Variants in ENPP6 observed in about 807,000 individuals in gnomAD.
ENPP6 encodes the protein glycerophosphocholine cholinephosphodiesterase ENPP6.
ENPP6 carries 32 observed loss-of-function variants against 42.0 expected under a neutral mutation model. The observed-to-expected ratio is 0.76, with a 90% CI of 0.58 to 1.02. The LOEUF (loss-of-function observed/expected upper bound fraction) is 1.02, where lower values mean the gene tolerates loss of function less well. Among genes scored for constraint, ENPP6 ranks in the 50% least tolerant of loss-of-function variants. ENPP6 has a pLI of 0.00. For synonymous variants in ENPP6, 213 were observed against 216.0 expected (o/e 0.99, Z 0.12); for missense variants, 552 against 566.8 (o/e 0.97, Z 0.27).
intron 2 of ENPP6, among the ~76,000 whole-genome samples, chr4:184,139,233 G>A (rs906659655): frequency 6.6e-6 from 1 of 152,120 alleles, no homozygotes; most frequent in African/African-American, 2.4e-5. Flanking sequence ...GCAACGGCCA[G>A]CAATAAATGA....
chr4:184,097,911 G>A lies in ENPP6; in HGVS notation c.994-543C>T, dbSNP rs568287779. Among the ~76,000 whole-genome samples, 3 of 145,472 alleles carry A rather than the reference G, an allele frequency of 2.1e-5. No homozygotes were observed. The South Asian group carries it at 6.5e-4, about 32-fold the overall frequency. ...AACCAGACCGGGGGAGGGAAGAGGA[G>A]CTGGAGACTTGAGTCCAATCACCTG... On this transcript the variant is annotated intron_variant, in intron 6 of 7. Transcript: ENST00000296741.
chr4:184,145,560 C>T (rs1736904430), intron 2 of ENPP6, among the ~76,000 whole-genome samples: 1 of 152,232 alleles, frequency 6.6e-6, no homozygotes, highest in South Asian at 2.1e-4. Context: ...CATAATTAGG[C>T]TCTAAGCTCC....
chr4:184,106,445 C>T (rs1293977840), intron 6 of ENPP6, among the ~76,000 whole-genome samples: 6 of 152,234 alleles, frequency 3.9e-5, no homozygotes, highest in African/African-American at 1.4e-4. Context: ...GCTCCCCACA[C>T]TTGGCCACCT....
At position 184,103,251 on chromosome 4, in the gene ENPP6, T is replaced by G. The variant is rs146324741; in HGVS notation, c.994-5883A>C. ...ACACATTTTGACTATTGTGTCTCCT[T>G]TCAACTACTGAAAGTATAATTCTCA... is the stretch of plus-strand genomic sequence containing the variant. On this transcript the variant is annotated intron_variant, in intron 6 of 7. Coordinates refer to ENST00000296741, the MANE Select transcript of ENPP6 (RefSeq NM_153343.4). Among the ~76,000 whole-genome samples, 42 of 152,338 alleles carry G rather than the reference T, an allele frequency of 2.8e-4. 1 individual carries two copies. In the East Asian group the frequency reaches 7.9e-3, roughly 29 times the overall value.
chr4:184,156,550 G>C (rs974715705), intron 1 of ENPP6, among the ~76,000 whole-genome samples: 1 of 152,212 alleles, frequency 6.6e-6, no homozygotes, highest in South Asian at 2.1e-4. Context: ...GAGCTTGGAT[G>C]TGGTGTGGTT....
intron 5 of ENPP6, among the ~76,000 whole-genome samples, chr4:184,114,868 G>A (rs146458006): frequency 3.5e-3 from 528 of 152,286 alleles, no homozygotes; most frequent in Admixed American, 6.4e-3. Flanking sequence ...GGAGCTCATG[G>A]GAACACTGCA....
chr4:184,195,024 T>A (rs867423300), intron 1 of ENPP6, among the ~76,000 whole-genome samples: 10 of 151,156 alleles, frequency 6.6e-5, no homozygotes, highest in Admixed American at 4.6e-4. Context: ...AGAGTCAGAT[T>A]TTTTTTATCA....
intron 2 of ENPP6, among the ~76,000 whole-genome samples, chr4:184,148,505 C>A (rs1221156590): frequency 1.3e-5 from 2 of 152,220 alleles, no homozygotes; most frequent in Non-Finnish European, 1.5e-5. Flanking sequence ...TATTTCTCTG[C>A]AGCAGAAATG....
chr4:184,195,288 G>C (rs1225226974), intron 1 of ENPP6, among the ~76,000 whole-genome samples: 1 of 151,870 alleles, frequency 6.6e-6, no homozygotes, highest in Non-Finnish European at 1.5e-5. Flanking sequence ...CCCACCCTCC[G>C]CTGTCCGATA....
chr4:184,168,829 G>A (rs1560999619), intron 1 of ENPP6, among the ~76,000 whole-genome samples: 1 of 152,186 alleles, frequency 6.6e-6, no homozygotes, highest in Admixed American at 6.5e-5. Flanking sequence ...CAGCAAACGC[G>A]AGCCTCGGGG....
At chr4:184,206,274 T>TC in intron 1 of ENPP6, among the ~76,000 whole-genome samples, 1 of 143,366 alleles carries the variant, frequency 7.0e-6, no homozygotes, top group Non-Finnish European at 1.5e-5. Context: ...TTTTTTTTTT[T>TC]TGAGACGGAG....
rs1253209568 is a variant in ENPP6 at position 184,131,236 on chromosome 4, T to C, written c.422-6964A>G. On this transcript the variant is annotated intron_variant, in intron 2 of 7. Transcript: ENST00000296741. ...TCTTTCTTTTTCTTTCTTTCTTTCC[T>C]TTTCTTTCTTTCTTTCTCTTTCTCT... Among the ~76,000 whole-genome samples, 100 of 18,188 alleles carry C rather than the reference T, an allele frequency of 5.5e-3. 4 individuals are homozygous for C. Among genetic ancestry groups the C allele is most frequent in the South Asian group, 0.041 (25 of 612 alleles). 11.9% of individuals were successfully genotyped at this position (18,188 alleles called of 152,430 possible).
intron 1 of ENPP6, among the ~76,000 whole-genome samples, chr4:184,208,562 TA>T (rs930348221): frequency 2.6e-5 from 4 of 151,928 alleles, no homozygotes; most frequent in African/African-American, 9.7e-5. Flanking sequence ...CACGAGATTA[TA>T]ACCCGCACCT....
intron 1 of ENPP6, among the ~76,000 whole-genome samples, chr4:184,201,293 C>A (rs538144465): frequency 6.6e-6 from 1 of 152,226 alleles, no homozygotes; most frequent in South Asian, 2.1e-4. Flanking sequence ...GCCCTTTAAC[C>A]CACTTTTGGC....
intron 3 of ENPP6, among the ~76,000 whole-genome samples, chr4:184,118,700 GC>G (rs1390828702): frequency 6.6e-6 from 1 of 152,196 alleles, no homozygotes; most frequent in Non-Finnish European, 1.5e-5. Flanking sequence ...ACACATGCTT[GC>G]TTGCCAGCTG....
At chr4:184,131,204 C>CTT (rs879359392) in intron 2 of ENPP6, among the ~76,000 whole-genome samples, 711 of 45,128 alleles carry the variant, frequency 0.016, 33 homozygotes, top group South Asian at 0.026. Context: ...TTTCTTTCTT[C>CTT]TTTCTTTCTT....
intron 3 of ENPP6, among the ~76,000 whole-genome samples, chr4:184,118,250 G>C (rs4073443): frequency 0.28 from 42,774 of 152,120 alleles, 6,819 homozygotes; most frequent in Admixed American, 0.42. Flanking sequence ...ACACAGTATG[G>C]CATCTGTTTA....
At chr4:184,130,072 G>A (rs1736568157) in intron 2 of ENPP6, among the ~76,000 whole-genome samples, 1 of 152,202 alleles carries the variant, frequency 6.6e-6, no homozygotes, top group African/African-American at 2.4e-5. Context: ...TTGAGATTGG[G>A]TGCGGAGCTT....
At chr4:184,125,796 C>T (rs1329437784) in intron 2 of ENPP6, among the ~76,000 whole-genome samples, 1 of 152,100 alleles carries the variant, frequency 6.6e-6, no homozygotes, top group Non-Finnish European at 1.5e-5. Context: ...CTAGGTGACC[C>T]AGAAATAAAT....
Sources: allele counts gnomAD v4.1 joint callset (sites outside exome capture counted in the v4.1 genomes callset), GRCh38; gene constraint gnomAD v4.1.1; transcripts MANE v1.5; gene names NCBI Gene and HGNC (gene_info 2026-07-23, HGNC 2026-07-21).